Variants in SNRPC observed in about 807,000 individuals in gnomAD.
The protein encoded by SNRPC is U1 small nuclear ribonucleoprotein C.
Under a neutral mutation model 20.0 loss-of-function variants are expected in SNRPC, and 5 were observed. That is an observed-to-expected ratio of 0.25 (90% CI 0.13 to 0.53). SNRPC has a LOEUF of 0.53. SNRPC is among the 20% of genes least tolerant of loss of function. The probability of loss-of-function intolerance (pLI) is 0.96; values close to 1 mark genes in which losing one functional copy is unlikely to be tolerated. For synonymous variants in SNRPC, 61 were observed against 58.7 expected (o/e 1.04, Z -0.18); for missense variants, 112 against 224.1 (o/e 0.50, Z 3.19).
At chr6:34,762,560 G>A (rs758253273) in intron 2 of SNRPC, 35 bp from the exon 3 acceptor site, 7 of 1,147,358 alleles carry the variant, frequency 6.1e-6, no homozygotes, top group African/African-American at 4.6e-5. Context: ...TTGGACATTT[G>A]TTTCTACGTC....
At chr6:34,767,780 T>C (rs1764631648) in intron 3 of SNRPC, 128 bp from the exon 4 acceptor site, 1 of 933,512 alleles carries the variant, frequency 1.1e-6, no homozygotes, top group African/African-American at 1.7e-5. Flanking sequence ...TGTAATAATT[T>C]TAGATGACAA....
chr6:34,759,415 A>T (rs766212045), intron 2 of SNRPC, among the ~76,000 whole-genome samples: 149 of 152,230 alleles, frequency 9.8e-4, no homozygotes, highest in Non-Finnish European at 1.8e-3. Flanking sequence ...TAGAGCTCAC[A>T]ATTTGAACAA....
Position 34,773,537 on chromosome 6 carries a change from C to T in SNRPC, c.447C>T (p.Pro149=). Residue 149 remains proline, a synonymous_variant, in exon 6 of 6, where the codon CCC becomes CCT. Coordinates refer to ENST00000244520, the MANE Select transcript of SNRPC (RefSeq NM_003093.3). This position sits in a 1 kb window ranked among gnomAD's most constrained non-coding sequence, Gnocchi z 4.1. Reference sequence around the variant, plus strand: ...CTCCTGCCCGTCCCATGATGGTGCCCACTCGGCCCGGAATGACTCGACCAG... The same window carrying T: ...CTCCTGCCCGTCCCATGATGGTGCCTACTCGGCCCGGAATGACTCGACCAG... The part of the protein sequence containing the change: ...MRPPARPMMV[P]TRPGMTRPDR The T allele has an allele frequency of 6.2e-7, 1 of 1,613,876 alleles. No individual in the cohort carries two copies. Among genetic ancestry groups the T allele is most frequent in the Non-Finnish European group, 8.5e-7 (1 of 1,179,972 alleles).
chr6:34,760,395 A>G (rs980764101), intron 2 of SNRPC, among the ~76,000 whole-genome samples: 8 of 152,032 alleles, frequency 5.3e-5, no homozygotes, highest in South Asian at 2.1e-4. Flanking sequence ...ATTATCATAC[A>G]TTGTCCTAGA....
At position 34,773,476 on chromosome 6, in the gene SNRPC, A is replaced by T; in HGVS notation, c.386A>T (p.His129Leu). Residue 129 changes from histidine to leucine, a missense_variant, in exon 6 of 6, where the codon CAT (histidine) becomes CTT (leucine). Physicochemically the swap from His to Leu is moderately conservative, Grantham distance 99 (BLOSUM62 -3). This residue lies in a region of SNRPC where 57 missense variants were observed against 121.0 expected (regional missense o/e 0.47). Coordinates refer to ENST00000244520, the MANE Select transcript of SNRPC (RefSeq NM_003093.3). This position sits in a 1 kb window ranked among gnomAD's most constrained non-coding sequence, Gnocchi z 4.1. ...GGAATGAGGCCGCCCATGGGAGGCCATATGCCAATGATGCCTGGGCCCCCA... is the reference window on the plus strand; with the variant it reads ...GGAATGAGGCCGCCCATGGGAGGCCTTATGCCAATGATGCCTGGGCCCCCA... ...APGMRPPMGG[H>L]MPMMPGPPMM... 6.2e-7 allele frequency: 1 copy of T among 1,613,486 alleles called. No individual in the cohort carries two copies. Among genetic ancestry groups the T allele is most frequent in the Non-Finnish European group, 8.5e-7 (1 of 1,179,574 alleles).
intron 3 of SNRPC, among the ~76,000 whole-genome samples, chr6:34,763,988 T>A (rs865869483): frequency 6.6e-6 from 1 of 151,006 alleles, no homozygotes; most frequent in Non-Finnish European, 1.5e-5. Context: ...GTGCTGGGAT[T>A]ACAGGCGTGA....
intron 3 of SNRPC, among the ~76,000 whole-genome samples, chr6:34,767,460 A>G (rs954762208): frequency 6.6e-6 from 1 of 152,190 alleles, no homozygotes; most frequent in Non-Finnish European, 1.5e-5. Context: ...GTCTCTATAA[A>G]AAATAAAAAG....
At position 34,767,509 on chromosome 6, in the gene SNRPC, G is replaced by A. The variant is rs536941161; in HGVS notation, c.161-399G>A. The stretch of plus-strand genomic sequence containing the variant: ...GTGCCATGCACCTGTAGCTACTCGG[G>A]AGGATGAATTGAGAGGGTCACCTGA... On this transcript the variant is annotated intron_variant, in intron 3 of 5. Transcript: ENST00000244520. Among the ~76,000 whole-genome samples, 6 of 152,312 alleles carry A rather than the reference G, an allele frequency of 3.9e-5. No homozygotes were observed. In the East Asian group the frequency reaches 1.2e-3, roughly 29 times the overall value.
Position 34,773,097 on chromosome 6 carries a change from CAT to C in SNRPC, c.356-348_356-347del, listed in dbSNP as rs1277276166. ...CTGATTAAAAGAGCTGACTGAAAAA[CAT>C]GTGACTTAGTTGTGAATTTCCCTGA... On this transcript the variant is annotated intron_variant, in intron 5 of 5. Coordinates refer to ENST00000244520, the MANE Select transcript of SNRPC (RefSeq NM_003093.3). The surrounding 1 kb of genome is among the most constrained non-coding windows in gnomAD (Gnocchi z 4.1). 7 of 221,212 alleles carry C rather than the reference CAT, an allele frequency of 3.2e-5. No individual in the cohort carries two copies. The highest frequency in any genetic ancestry group is 3.7e-5 in the Non-Finnish European group (4 of 108,206). 13.7% of individuals were successfully genotyped at this position (221,212 alleles called of 1,614,324 possible).
intron 5 of SNRPC, among the ~76,000 whole-genome samples, chr6:34,772,399 T>G (rs1159637845): frequency 6.6e-6 from 1 of 152,214 alleles, no homozygotes; most frequent in Non-Finnish European, 1.5e-5. Flanking sequence ...AAGAAATTCT[T>G]CAATATAGGT....
At chr6:34,768,560 T>G (rs911823825) in intron 4 of SNRPC, among the ~76,000 whole-genome samples, 3 of 152,124 alleles carry the variant, frequency 2.0e-5, no homozygotes, top group African/African-American at 7.2e-5. Context: ...GAGACCAGCC[T>G]GGCTAACATC....
intron 4 of SNRPC, 29 bp from the exon 5 acceptor site, chr6:34,770,262 T>A: frequency 6.9e-7 from 1 of 1,459,330 alleles, no homozygotes; most frequent in Non-Finnish European, 9.6e-7. Context: ...TGAGCACACC[T>A]TAACCACAGG....
At chr6:34,761,584 G>C (rs565110615) in intron 2 of SNRPC, among the ~76,000 whole-genome samples, 39 of 129,412 alleles carry the variant, frequency 3.0e-4, no homozygotes, top group African/African-American at 1.0e-3. Context: ...GCAATGGCAT[G>C]ATCTTGGCTC....
chr6:34,769,525 A>C (rs2127407714), intron 4 of SNRPC, among the ~76,000 whole-genome samples: 1 of 152,088 alleles, frequency 6.6e-6, no homozygotes, highest in Middle Eastern at 3.4e-3. Flanking sequence ...GTTGTTCCAA[A>C]TTTTAGGTAT....
intron 4 of SNRPC, among the ~76,000 whole-genome samples, chr6:34,769,424 C>A (rs950341682): frequency 6.6e-6 from 1 of 151,936 alleles, no homozygotes; most frequent in East Asian, 1.9e-4. Context: ...AACTCCTGAC[C>A]TCCTGTGATC....
Position 34,762,510 on chromosome 6 carries a change from G to A in SNRPC, c.52-85G>A, listed in dbSNP as rs560967571. ...AGCTAATGCTGCTGATACTAGACAC[G>A]CTACTTATATAAAGGTAAAACTTTA... On this transcript the variant is annotated intron_variant, in intron 2 of 5. Coordinates refer to ENST00000244520, the MANE Select transcript of SNRPC (RefSeq NM_003093.3). 199 of 696,134 alleles carry A rather than the reference G, an allele frequency of 2.9e-4. 1 individual carries two copies. Among genetic ancestry groups the A allele is most frequent in the Admixed American group, 1.4e-4 (6 of 42,166 alleles). The allele number at this position is 696,134 out of a possible 1,614,324, so 43.1% of individuals were successfully genotyped here.
chr6:34,768,100 T>C, intron 4 of SNRPC, 103 bp downstream of exon 4: 2 of 874,056 alleles, frequency 2.3e-6, no homozygotes, highest in Non-Finnish European at 3.4e-6. Flanking sequence ...TGCATTTGTA[T>C]GTAGATAGTA....
rs182714414 is a variant in SNRPC at position 34,767,501 on chromosome 6, C to G, written c.161-407C>G. ...CAGGTGTGGTGCCATGCACCTGTAG[C>G]TACTCGGGAGGATGAATTGAGAGGG... On this transcript the variant is annotated intron_variant, in intron 3 of 5. Coordinates refer to ENST00000244520, the MANE Select transcript of SNRPC (RefSeq NM_003093.3). Among the ~76,000 whole-genome samples, 282 of 152,278 alleles carry G rather than the reference C, an allele frequency of 1.9e-3. 1 individual carries two copies. The highest frequency in any genetic ancestry group is 2.1e-3 in the Non-Finnish European group (140 of 68,012).
At position 34,767,785 on chromosome 6, in the gene SNRPC, T is replaced by A. The variant is rs541602262; in HGVS notation, c.161-123T>A. 85 of 970,192 alleles carry A rather than the reference T, an allele frequency of 8.8e-5. No homozygotes were observed. In the African/African-American group the frequency reaches 1.3e-3, roughly 15 times the overall value. The allele number at this position is 970,192 out of a possible 1,614,324, so 60.1% of individuals were successfully genotyped here. On this transcript the variant is annotated intron_variant, in intron 3 of 5. Coordinates refer to ENST00000244520, the MANE Select transcript of SNRPC (RefSeq NM_003093.3). The stretch of plus-strand genomic sequence containing the variant: ...AGAACCATGATGTAATAATTTTAGA[T>A]GACAACTAGCAAGAGTAAAGTAATT...
Sources: allele counts gnomAD v4.1 joint callset (sites outside exome capture counted in the v4.1 genomes callset), GRCh38; gene constraint gnomAD v4.1.1; regional missense constraint gnomAD v4.1.1; non-coding constraint Gnocchi (gnomAD v3.1); transcripts MANE v1.5; gene names NCBI Gene and HGNC (gene_info 2026-07-23, HGNC 2026-07-21).